Variants in IHO1 observed in about 807,000 individuals in gnomAD.
IHO1 encodes the protein interactor of HORMAD1 1.
A neutral mutation model predicts 31.0 loss-of-function variants in IHO1; 13 were observed. The ratio of observed to expected loss-of-function variants is 0.42; its 90% CI spans 0.27 to 0.67. IHO1 has a LOEUF of 0.67. Among genes scored for constraint, IHO1 ranks in the 30% least tolerant of loss-of-function variants. The probability of loss-of-function intolerance (pLI) is 0.24; values close to 1 mark genes in which losing one functional copy is unlikely to be tolerated. For missense variants in IHO1, 599 were observed against 687.5 expected (o/e 0.87, Z 1.44); for synonymous variants, 221 against 248.4 (o/e 0.89, Z 1.04).
At chr3:49,242,920 CA>C (rs1336278148) in intron 4 of IHO1, among the ~76,000 whole-genome samples, 4 of 152,196 alleles carry the variant, frequency 2.6e-5, no homozygotes, top group Admixed American at 2.6e-4. Flanking sequence ...ATTTTAGGTT[CA>C]GGGGTATATG....
chr3:49,224,419 C>T (rs1469389611), intron 2 of IHO1, among the ~76,000 whole-genome samples: 2 of 152,252 alleles, frequency 1.3e-5, no homozygotes, highest in Admixed American at 1.3e-4. Context: ...TGTGCAATAA[C>T]TCCATAATTT....
intron 2 of IHO1, among the ~76,000 whole-genome samples, chr3:49,223,326 G>C (rs1469439158): frequency 6.6e-6 from 1 of 152,062 alleles, no homozygotes; most frequent in African/African-American, 2.4e-5. Flanking sequence ...GAGGATTGTG[G>C]CCTCCAGGCA....
At chr3:49,200,475 A>AAGAAAGAAAGAAAGAATG in intron 1 of IHO1, 1 of 103,868 alleles carries the variant, frequency 9.6e-6, no homozygotes, top group East Asian at 6.8e-4. Context: ...AAAAAAAAAA[A>AAGAAAGAAAGAAAGAATG]AAAGAAAGAA....
intron 4 of IHO1, among the ~76,000 whole-genome samples, chr3:49,243,754 T>C: frequency 8.7e-6 from 1 of 114,526 alleles, no homozygotes; most frequent in African/African-American, 3.5e-5. Context: ...CGAGACTCTG[T>C]CTCAAAAAAA....
chr3:49,194,507 G>T (rs1369080867), upstream of IHO1, among the ~76,000 whole-genome samples: 1 of 146,710 alleles, frequency 6.8e-6, no homozygotes, highest in Non-Finnish European at 1.5e-5. Flanking sequence ...GTTTCACTGT[G>T]GTCTCGATCT....
upstream of IHO1, among the ~76,000 whole-genome samples, chr3:49,194,192 C>T (rs565600970): frequency 7.4e-5 from 11 of 148,952 alleles, no homozygotes; most frequent in South Asian, 2.3e-3. Flanking sequence ...TGCTTCAACC[C>T]AGGAGGCAGA....
At chr3:49,218,637 C>T (rs1205625962) in intron 2 of IHO1, among the ~76,000 whole-genome samples, 1 of 152,072 alleles carries the variant, frequency 6.6e-6, no homozygotes, top group Non-Finnish European at 1.5e-5. Flanking sequence ...ACCTTGGCCT[C>T]TCAAAGTGCT....
intron 2 of IHO1, chr3:49,213,882 C>A: frequency 3.6e-6 from 1 of 279,586 alleles, no homozygotes; most frequent in Non-Finnish European, 7.9e-6. Context: ...CAGAGAGGGG[C>A]TCCCATAGTG....
chr3:49,243,285 G>A (rs1049694567), intron 4 of IHO1, among the ~76,000 whole-genome samples: 1 of 152,084 alleles, frequency 6.6e-6, no homozygotes, highest in Non-Finnish European at 1.5e-5. Context: ...TGGGACCACA[G>A]GCGCGTGACA....
chr3:49,228,610 G>A (rs775748848), intron 2 of IHO1, among the ~76,000 whole-genome samples: 3 of 152,132 alleles, frequency 2.0e-5, no homozygotes, highest in Non-Finnish European at 4.4e-5. Context: ...GTGGACCTTC[G>A]CGATGAGTGT....
At position 49,255,450 on chromosome 3, in the gene IHO1, A is replaced by G. The variant is rs770986890; in HGVS notation, c.593A>G (p.Asn198Ser). Residue 198 changes from asparagine to serine, a missense_variant, in exon 7 of 8, where the codon AAC (asparagine) becomes AGC (serine). Asn to Ser is a conservative substitution (Grantham distance 46). Coordinates refer to ENST00000452691, the MANE Select transcript of IHO1 (RefSeq NM_001135197.2). Reference protein sequence around the residue: ...LVFEAVQDKGNMEQAILEMKK... With the variant: ...LVFEAVQDKGSMEQAILEMKK... ...TTTGAGGCAGTCCAGGACAAAGGCA[A>G]CATGGAGCAGGCCATCCTTGAGATG... The G allele has an allele frequency of 1.2e-6, 2 of 1,607,174 alleles. No individual in the cohort carries two copies. Among genetic ancestry groups the G allele is most frequent in the Non-Finnish European group, 1.7e-6 (2 of 1,178,266 alleles).
intron 3 of IHO1, among the ~76,000 whole-genome samples, chr3:49,240,939 G>A (rs1351913081): frequency 6.6e-6 from 1 of 152,064 alleles, no homozygotes; most frequent in Non-Finnish European, 1.5e-5. Flanking sequence ...AGCATAAATG[G>A]TTCTCTGTTC....
chr3:49,206,114 C>T (rs1282364126), intron 1 of IHO1, among the ~76,000 whole-genome samples: 1 of 152,160 alleles, frequency 6.6e-6, no homozygotes, highest in Non-Finnish European at 1.5e-5. Context: ...CAGGCGCCCA[C>T]CACCATGCCT....
rs58625868 is a variant in IHO1 at position 49,251,914 on chromosome 3, T to G, written c.533-3476T>G. On this transcript the variant is annotated intron_variant, in intron 6 of 7. Coordinates refer to ENST00000452691, the MANE Select transcript of IHO1 (RefSeq NM_001135197.2). Reference sequence around the variant, plus strand: ...CCGTGCCTGGCCTACTTAGTTTTTATATCACGAGATTATATCAAGAGATTC... The same window carrying G: ...CCGTGCCTGGCCTACTTAGTTTTTAGATCACGAGATTATATCAAGAGATTC... Among the ~76,000 whole-genome samples, 1,320 of 150,242 alleles carry G rather than the reference T, an allele frequency of 8.8e-3. 22 individuals are homozygous for G. The highest frequency in any genetic ancestry group is 0.031 in the African/African-American group (1,258 of 40,732).
chr3:49,209,842 G>C (rs911993184), intron 1 of IHO1, among the ~76,000 whole-genome samples: 1 of 150,862 alleles, frequency 6.6e-6, no homozygotes, highest in Non-Finnish European at 1.5e-5. Flanking sequence ...AGCCTCCCAA[G>C]TAGCTGGGAC....
At chr3:49,208,301 G>A (rs2046166593) in intron 1 of IHO1, among the ~76,000 whole-genome samples, 1 of 152,200 alleles carries the variant, frequency 6.6e-6, no homozygotes, top group African/African-American at 2.4e-5. Flanking sequence ...TAGGAACCAG[G>A]CCACACAGCA....
At chr3:49,218,070 T>C (rs35060561) in intron 2 of IHO1, among the ~76,000 whole-genome samples, 14,238 of 152,216 alleles carry the variant, frequency 0.094, 741 homozygotes, top group Middle Eastern at 0.11. Context: ...ACTGGCTTTC[T>C]TATTAGCAGC....
intron 3 of IHO1, 66 bp downstream of exon 3, chr3:49,236,788 A>T: frequency 6.7e-7 from 1 of 1,483,450 alleles, no homozygotes; most frequent in East Asian, 2.3e-5. Flanking sequence ...AACTATAAAG[A>T]ATACTTATTC....
chr3:49,246,380 C>T (rs748407411), intron 6 of IHO1, among the ~76,000 whole-genome samples: 7 of 152,024 alleles, frequency 4.6e-5, no homozygotes, highest in Non-Finnish European at 7.4e-5. Flanking sequence ...CACAGTGGCT[C>T]ATGCCTATAA....
Sources: allele counts gnomAD v4.1 joint callset (sites outside exome capture counted in the v4.1 genomes callset), GRCh38; gene constraint gnomAD v4.1.1; transcripts MANE v1.5; gene names NCBI Gene and HGNC (gene_info 2026-07-23, HGNC 2026-07-21).